ZBTB7C: variants seen among roughly 807,000 people sequenced by gnomAD.
ZBTB7C encodes zinc finger and BTB domain-containing protein 7C.
A neutral mutation model predicts 25.7 loss-of-function variants in ZBTB7C; 8 were observed. That is an observed-to-expected ratio of 0.31 (90% CI 0.18 to 0.56). The LOEUF is 0.56. Among genes scored for constraint, ZBTB7C ranks in the 20% least tolerant of loss-of-function variants. The pLI, the probability that ZBTB7C is intolerant of heterozygous loss-of-function variation, is 0.91. For missense variants in ZBTB7C, 824 were observed against 855.2 expected, an observed-to-expected ratio of 0.96 and a Z score of 0.46; for synonymous variants, 394 against 369.0, an observed-to-expected ratio of 1.07 and a Z score of -0.78.
intron 2 of ZBTB7C, among the ~76,000 whole-genome samples, chr18:48,276,346 T>A (rs1174147887): frequency 6.6e-6 from 1 of 151,294 alleles, no homozygotes; most frequent in Non-Finnish European, 1.5e-5. Flanking sequence ...CATGTGCACA[T>A]TGTGCAGGTT....
intron 1 of ZBTB7C, among the ~76,000 whole-genome samples, chr18:48,359,264 G>T (rs1398973513): frequency 2.0e-5 from 3 of 152,092 alleles, no homozygotes; most frequent in African/African-American, 7.2e-5. Flanking sequence ...CCATGAGAAG[G>T]AGAAATTTTT....
chr18:48,252,072 A>C (rs937051163), intron 2 of ZBTB7C: 1 of 152,188 alleles, frequency 6.6e-6, no homozygotes, highest in African/African-American at 2.4e-5. Context: ...ACTGATATAG[A>C]AAAGGTAATC....
intron 3 of ZBTB7C, among the ~76,000 whole-genome samples, chr18:48,070,745 T>C (rs6507799): frequency 0.64 from 96,712 of 151,972 alleles, 30,905 homozygotes; most frequent in Admixed American, 0.66. Context: ...AAACATGCCA[T>C]TCTTTAGGGC....
intron 2 of ZBTB7C, among the ~76,000 whole-genome samples, chr18:48,235,248 C>G (rs2043349701): frequency 6.6e-6 from 1 of 151,920 alleles, no homozygotes; most frequent in African/African-American, 2.4e-5. Context: ...CATTTATAAC[C>G]TCCTTTAGAA....
intron 2 of ZBTB7C, among the ~76,000 whole-genome samples, chr18:48,225,714 C>T (rs964120276): frequency 1.3e-5 from 2 of 152,128 alleles, no homozygotes; most frequent in South Asian, 4.1e-4. Context: ...TCCTCTCCCT[C>T]TTAGAATGTC....
At chr18:48,162,962 G>C (rs1411230541) in intron 3 of ZBTB7C, among the ~76,000 whole-genome samples, 1 of 152,218 alleles carries the variant, frequency 6.6e-6, no homozygotes, top group Admixed American at 6.5e-5. Flanking sequence ...GGCTGAGGGA[G>C]GGCAGGCCCT....
At chr18:48,249,758 A>T (rs2043795039) in intron 2 of ZBTB7C, among the ~76,000 whole-genome samples, 1 of 152,128 alleles carries the variant, frequency 6.6e-6, no homozygotes, top group South Asian at 2.1e-4. Context: ...GCCCTGTAAA[A>T]CTTTATCATC....
chr18:48,158,992 G>A (rs1954438397), intron 3 of ZBTB7C, among the ~76,000 whole-genome samples: 1 of 152,158 alleles, frequency 6.6e-6, no homozygotes, highest in Admixed American at 6.5e-5. Flanking sequence ...TGTAGGGGAA[G>A]AGGATGAAGG....
At chr18:48,121,000 C>G (rs1203447562) in intron 3 of ZBTB7C, among the ~76,000 whole-genome samples, 1 of 152,204 alleles carries the variant, frequency 6.6e-6, no homozygotes, top group South Asian at 2.1e-4. Flanking sequence ...GAGTCTCTGC[C>G]AGGACTCCAG....
intron 1 of ZBTB7C, among the ~76,000 whole-genome samples, chr18:48,371,676 G>T (rs1050994638): frequency 6.6e-6 from 1 of 152,208 alleles, no homozygotes; most frequent in Non-Finnish European, 1.5e-5. Flanking sequence ...ATTAAAACCA[G>T]CACAGATATG....
intron 2 of ZBTB7C, among the ~76,000 whole-genome samples, chr18:48,267,073 T>C (rs1598738456): frequency 1.3e-5 from 2 of 152,192 alleles, no homozygotes; most frequent in Admixed American, 6.5e-5. Context: ...ATGGCTGCAG[T>C]GAACACCCTG....
At chr18:48,358,511 C>T (rs2047029820) in intron 1 of ZBTB7C, among the ~76,000 whole-genome samples, 1 of 152,174 alleles carries the variant, frequency 6.6e-6, no homozygotes, top group Non-Finnish European at 1.5e-5. Context: ...GTACAGTTGG[C>T]AGAACTGTGA....
intron 3 of ZBTB7C, among the ~76,000 whole-genome samples, chr18:48,121,924 G>C (rs1345685794): frequency 6.6e-6 from 1 of 152,166 alleles, no homozygotes; most frequent in African/African-American, 2.4e-5. Flanking sequence ...CAGCAGCAGA[G>C]ACCCATGGAT....
intron 2 of ZBTB7C, among the ~76,000 whole-genome samples, chr18:48,325,947 C>T (rs898305466): frequency 6.6e-6 from 1 of 152,098 alleles, no homozygotes; most frequent in Non-Finnish European, 1.5e-5. Context: ...ACAGCAAAGA[C>T]TATTATCTAA....
At chr18:48,181,973 C>T (rs898808122) in intron 3 of ZBTB7C, among the ~76,000 whole-genome samples, 5 of 152,178 alleles carry the variant, frequency 3.3e-5, no homozygotes, top group African/African-American at 9.7e-5. Flanking sequence ...CACCAGACAT[C>T]GTATAATCCA....
intron 3 of ZBTB7C, among the ~76,000 whole-genome samples, chr18:48,096,676 G>A (rs1030571758): frequency 2.0e-5 from 3 of 152,106 alleles, no homozygotes; most frequent in African/African-American, 7.2e-5. Flanking sequence ...TCTCACTTTC[G>A]GTCATAAGTC....
At chr18:48,254,477 T>A (rs2043966520) in intron 2 of ZBTB7C, among the ~76,000 whole-genome samples, 1 of 152,192 alleles carries the variant, frequency 6.6e-6, no homozygotes, top group Non-Finnish European at 1.5e-5. Context: ...CTCTGCCTCC[T>A]CAAGCCTGCC....
At chr18:48,115,153 A>G (rs186471251) in intron 3 of ZBTB7C, among the ~76,000 whole-genome samples, 1 of 152,222 alleles carries the variant, frequency 6.6e-6, no homozygotes, top group Non-Finnish European at 1.5e-5. Flanking sequence ...GATATTTCAT[A>G]TAAATAGAAT....
At chr18:48,338,916 G>GA (rs973271310) in intron 1 of ZBTB7C, among the ~76,000 whole-genome samples, 2 of 152,032 alleles carry the variant, frequency 1.3e-5, no homozygotes, top group South Asian at 2.1e-4. Context: ...TTTGTTGGGG[G>GA]GGGGGGGTCC....
Sources: allele counts gnomAD v4.1 joint callset (sites outside exome capture counted in the v4.1 genomes callset), GRCh38; gene constraint gnomAD v4.1.1; transcripts MANE v1.5; gene names NCBI Gene and HGNC (gene_info 2026-07-23, HGNC 2026-07-21).